ABCC8: variants seen among roughly 807,000 people sequenced by gnomAD.
ABCC8 encodes the protein ATP binding cassette subfamily C member 8.
Under a neutral mutation model 188.0 loss-of-function variants are expected in ABCC8, and 137 were observed. The ratio of observed to expected loss-of-function variants is 0.73; its 90% CI spans 0.63 to 0.84. The LOEUF is 0.84. Among genes scored for constraint, ABCC8 ranks in the 40% least tolerant of loss-of-function variants. The pLI, the probability that ABCC8 is intolerant of heterozygous loss-of-function variation, is 0.00. For synonymous variants in ABCC8, 797 were observed against 846.5 expected (o/e 0.94, Z 1.01); for missense variants, 1,750 against 2,072.7 (o/e 0.84, Z 3.02).
chr11:17,402,611 CT>C (rs932475056), intron 29 of ABCC8, 49 bp downstream of exon 29: 4 of 1,614,140 alleles, frequency 2.5e-6, no homozygotes, highest in Admixed American at 3.3e-5. Context: ...CCTGTGCCCC[CT>C]GGCCCCACCC....
Position 17,412,200 on chromosome 11 carries a change from T to A in ABCC8, c.2556+466A>T, listed in dbSNP as rs542431363. The stretch of plus-strand genomic sequence containing the variant: ...AGCCACCGCGCCTGGCCTAGTTTTA[T>A]CTCATGTTTGATGGCTAGTGGTTAC... On this transcript the variant is annotated intron_variant, in intron 21 of 38. Coordinates refer to ENST00000389817, the MANE Select transcript of ABCC8 (RefSeq NM_000352.6). Among the ~76,000 whole-genome samples the A allele has an allele frequency of 5.2e-4, 79 of 152,304 alleles. No individual in the cohort carries two copies. The South Asian group carries it at 0.015, about 29-fold the overall frequency.
At chr11:17,409,632 G>T (rs956428726) in intron 22 of ABCC8, among the ~76,000 whole-genome samples, 1 of 152,178 alleles carries the variant, frequency 6.6e-6, no homozygotes, top group Non-Finnish European at 1.5e-5. Context: ...GGGAAAATAA[G>T]CAGAGCCATT....
chr11:17,455,277 C>T (rs1231198928), intron 6 of ABCC8, among the ~76,000 whole-genome samples: 2 of 152,146 alleles, frequency 1.3e-5, no homozygotes, highest in African/African-American at 4.8e-5. Context: ...GAATGCCACA[C>T]ACACGCTGTG....
At chr11:17,472,353 CTGTTTTGAT>C (rs1217033335) in intron 2 of ABCC8, among the ~76,000 whole-genome samples, 1 of 152,186 alleles carries the variant, frequency 6.6e-6, no homozygotes, top group Non-Finnish European at 1.5e-5. Flanking sequence ...CTAACTTATA[CTGTTTTGAT>C]TGTTCTGAAT....
At chr11:17,410,370 G>T in intron 22 of ABCC8, 146 bp downstream of exon 22, 1 of 899,040 alleles carries the variant, frequency 1.1e-6, no homozygotes, top group Non-Finnish European at 1.8e-6. Flanking sequence ...GAAATGCCCA[G>T]CATGCATAAA....
chr11:17,442,761 A>C lies in ABCC8; in HGVS notation c.1589T>G (p.Met530Arg). ...GATGGCAAAGGCCCTGAGGCTGGTC[A>C]TCTCCTTCCTGCGGGTCGTCTCCAC... ...TRVETTRRKE[M>R]TSLRAFAIYT... The change falls in exon 10 of 39, where the codon ATG becomes AGG. Residue 530 changes from methionine to arginine, a missense_variant. By Grantham distance (91) the Met-to-Arg change is moderately conservative. Coordinates refer to ENST00000389817, the MANE Select transcript of ABCC8 (RefSeq NM_000352.6). The C allele has an allele frequency of 1.2e-6, 2 of 1,613,978 alleles. No homozygotes were observed. The highest frequency in any genetic ancestry group is 1.7e-6 in the Non-Finnish European group (2 of 1,180,040).
intron 6 of ABCC8, among the ~76,000 whole-genome samples, chr11:17,460,197 A>G (rs192684598): frequency 1.3e-5 from 2 of 152,378 alleles, no homozygotes; most frequent in African/African-American, 2.4e-5. Flanking sequence ...TAGACACTGG[A>G]CAAACAAAAG....
chr11:17,455,865 G>A (rs1225752063), intron 6 of ABCC8, among the ~76,000 whole-genome samples: 1 of 151,298 alleles, frequency 6.6e-6, no homozygotes, highest in Non-Finnish European at 1.5e-5. Flanking sequence ...CTTGAACCCA[G>A]GAGGCAGAGG....
At chr11:17,395,320 T>C in intron 35 of ABCC8, 45 bp from the exon 36 acceptor site, 1 of 1,553,402 alleles carries the variant, frequency 6.4e-7, no homozygotes, top group East Asian at 2.4e-5. Context: ...AGCAGGGTCC[T>C]GCCTGCATCC....
At chr11:17,437,125 T>C (rs201251746) in intron 10 of ABCC8, among the ~76,000 whole-genome samples, 304 of 149,206 alleles carry the variant, frequency 2.0e-3, no homozygotes, top group Non-Finnish European at 3.6e-3. Context: ...AAAAGACTTA[T>C]TCATTCAAAA....
At position 17,402,738 on chromosome 11, in the gene ABCC8, C is replaced by T. The variant is rs1038735802; in HGVS notation, c.3573G>A (p.Leu1191=). Residue 1191 remains leucine (L), a synonymous_variant, in exon 29 of 39, where the codon CTG becomes CTA. Coordinates refer to ENST00000389817, the MANE Select transcript of ABCC8 (RefSeq NM_000352.6). ...FRVASRDLQQ[L]DDTTQLPLLS... ...GAAGTGGAAGCTGGGTGGTGTCATC[C>T]AGCTGCTGCAGGTCCCTGTGGCGGG... The T allele has an allele frequency of 3.1e-6, 5 of 1,614,220 alleles. No individual in the cohort carries two copies. The highest frequency in any genetic ancestry group is 2.7e-5 in the African/African-American group (2 of 75,066).
At chr11:17,414,738 G>T in intron 18 of ABCC8, 128 bp from the exon 19 acceptor site, 1 of 1,508,850 alleles carries the variant, frequency 6.6e-7, no homozygotes, top group South Asian at 1.3e-5. Flanking sequence ...GTAGAAATCT[G>T]CTTAGTGTGG....
chr11:17,452,087 C>T (rs575258437), intron 7 of ABCC8, among the ~76,000 whole-genome samples: 1 of 152,314 alleles, frequency 6.6e-6, no homozygotes, highest in East Asian at 1.9e-4. Flanking sequence ...AAACTTCTAT[C>T]CCATTTAAAC....
intron 8 of ABCC8, chr11:17,444,528 C>CAG (rs946938127): frequency 3.9e-5 from 6 of 153,042 alleles, no homozygotes; most frequent in Non-Finnish European, 7.3e-5. Flanking sequence ...GCTGCAGCTG[C>CAG]TGCTGTTCCC....
chr11:17,433,072 C>T (rs1209447056), intron 10 of ABCC8, among the ~76,000 whole-genome samples: 1 of 152,202 alleles, frequency 6.6e-6, no homozygotes, highest in Non-Finnish European at 1.5e-5. Context: ...GTGCTGCCTA[C>T]ACATCATACC....
chr11:17,452,579 G>C (rs1956854381), intron 7 of ABCC8, among the ~76,000 whole-genome samples: 1 of 152,202 alleles, frequency 6.6e-6, no homozygotes, highest in South Asian at 2.1e-4. Context: ...ACAGGAGGCA[G>C]AGCTCAGGTA....
chr11:17,422,739 T>C (rs1241873393), intron 16 of ABCC8, among the ~76,000 whole-genome samples: 1 of 152,240 alleles, frequency 6.6e-6, no homozygotes, highest in East Asian at 1.9e-4. Context: ...TTGCAACCTT[T>C]GGGTTAAATC....
chr11:17,393,553 G>T, intron 38 of ABCC8, 144 bp downstream of exon 38: 1 of 1,337,946 alleles, frequency 7.5e-7, no homozygotes, highest in Non-Finnish European at 1.1e-6. Flanking sequence ...TGCCCTCCAG[G>T]CCCCTTGCCC....
In ABCC8 at chr11:17,412,865, G is replaced by A. The variant is rs1954882617; in HGVS notation, c.2476-119C>T. On this transcript the variant is annotated intron_variant, in intron 20 of 38. Coordinates refer to ENST00000389817, the MANE Select transcript of ABCC8 (RefSeq NM_000352.6). The stretch of plus-strand genomic sequence containing the variant: ...CCTGGCTCTATCCACTTCTTTGCCT[G>A]CTTCTCACCTTGCATAGAGAAGGAA... The A allele has an allele frequency of 1.0e-5, 16 of 1,535,124 alleles. 1 individual carries two copies. In the South Asian group the frequency reaches 1.9e-4, roughly 18 times the overall value.
Sources: allele counts gnomAD v4.1 joint callset (sites outside exome capture counted in the v4.1 genomes callset), GRCh38; gene constraint gnomAD v4.1.1; transcripts MANE v1.5; gene names NCBI Gene and HGNC (gene_info 2026-07-23, HGNC 2026-07-21).